The following TACR3 variants were observed in gnomAD, a reference collection of about 807,000 sequenced individuals.
TACR3 encodes tachykinin receptor 3.
A neutral mutation model predicts 35.0 loss-of-function variants in TACR3; 34 were observed. The observed-to-expected ratio is 0.97, with a 90% CI of 0.74 to 1.30. The LOEUF (loss-of-function observed/expected upper bound fraction) is 1.30, where lower values mean the gene tolerates loss of function less well. TACR3 is among the 50% of genes most tolerant of loss of function. The pLI, the probability that TACR3 is intolerant of heterozygous loss-of-function variation, is 0.00. For missense variants in TACR3, 558 were observed against 591.7 expected, an observed-to-expected ratio of 0.94 and a Z score of 0.59; for synonymous variants, 233 against 221.1, an observed-to-expected ratio of 1.05 and a Z score of -0.48.
At chr4:103,621,369 C>CAGGT (rs1724777174) in intron 3 of TACR3, among the ~76,000 whole-genome samples, 2 of 151,906 alleles carry the variant, frequency 1.3e-5, no homozygotes, top group African/African-American at 4.8e-5. Context: ...GAATAGAGGG[C>CAGGT]CAATATGTGT....
At chr4:103,670,523 T>C (rs530849185) in intron 1 of TACR3, among the ~76,000 whole-genome samples, 1 of 152,120 alleles carries the variant, frequency 6.6e-6, no homozygotes, top group African/African-American at 2.4e-5. Flanking sequence ...TATAGAGATC[T>C]CTTGCTTCTT....
At chr4:103,600,823 G>A (rs891305655) in intron 3 of TACR3, among the ~76,000 whole-genome samples, 7 of 152,166 alleles carry the variant, frequency 4.6e-5, no homozygotes, top group Non-Finnish European at 7.3e-5. Context: ...TGGTCTGAGA[G>A]ACAGTTTGTT....
At chr4:103,624,157 A>C (rs182040665) in intron 3 of TACR3, 1 of 152,118 alleles carries the variant, frequency 6.6e-6, no homozygotes, top group African/African-American at 2.4e-5. Context: ...TAGGTATGCA[A>C]TTACTGTTTT....
chr4:103,711,906 A>G (rs1722972324), intron 1 of TACR3, among the ~76,000 whole-genome samples: 1 of 152,208 alleles, frequency 6.6e-6, no homozygotes, highest in South Asian at 2.1e-4. Context: ...TGCTTCAAAG[A>G]GAATAAAATA....
intron 3 of TACR3, among the ~76,000 whole-genome samples, chr4:103,614,880 ATG>A (rs1428605561): frequency 5.3e-5 from 6 of 113,444 alleles, no homozygotes; most frequent in African/African-American, 1.6e-4. Context: ...TTGATTATGA[ATG>A]TGTTTTTTTT....
chr4:103,677,738 G>T (rs901998244), intron 1 of TACR3, among the ~76,000 whole-genome samples: 2 of 152,088 alleles, frequency 1.3e-5, no homozygotes, highest in African/African-American at 4.8e-5. Flanking sequence ...AGAGCATCAT[G>T]AAGGATAACT....
At chr4:103,590,400 T>C (rs139984298) in intron 4 of TACR3, among the ~76,000 whole-genome samples, 330 of 152,320 alleles carry the variant, frequency 2.2e-3, no homozygotes, top group African/African-American at 7.3e-3. Context: ...AAATAGTTTC[T>C]TTCAGAAATG....
chr4:103,591,697 A>T lies in TACR3; in HGVS notation c.889-14T>A. ...CATTTTGACAACCTATAAAGAAAAA[A>T]AGTCATTTTTGACAAATATAATACT... On this transcript the variant is annotated splice_polypyrimidine_tract_variant and intron_variant, in intron 3 of 4. Transcript: ENST00000304883. The T allele has an allele frequency of 6.2e-7, 1 of 1,603,414 alleles. No individual in the cohort carries two copies. The highest frequency in any genetic ancestry group is 1.1e-5 in the South Asian group (1 of 89,930).
chr4:103,601,992 G>C (rs1399457074), intron 3 of TACR3, among the ~76,000 whole-genome samples: 2 of 152,166 alleles, frequency 1.3e-5, no homozygotes, highest in Non-Finnish European at 2.9e-5. Context: ...TTCCAACTTG[G>C]TTCCAATCTC....
chr4:103,680,486 TAC>T (rs925772883), intron 1 of TACR3, among the ~76,000 whole-genome samples: 3 of 141,410 alleles, frequency 2.1e-5, no homozygotes, highest in South Asian at 2.3e-4. Flanking sequence ...TATATATATA[TAC>T]ATACATACAC....
At chr4:103,607,586 A>T (rs1724409892) in intron 3 of TACR3, among the ~76,000 whole-genome samples, 1 of 152,122 alleles carries the variant, frequency 6.6e-6, no homozygotes, top group South Asian at 2.1e-4. Context: ...ATGTGATAAT[A>T]TAGGCTTAAG....
At chr4:103,598,928 G>A (rs1272691674) in intron 3 of TACR3, among the ~76,000 whole-genome samples, 1 of 152,104 alleles carries the variant, frequency 6.6e-6, no homozygotes, top group Admixed American at 6.6e-5. Flanking sequence ...GACTGACTTG[G>A]TGATGCAGGC....
chr4:103,653,469 T>C (rs1403540168), intron 3 of TACR3, among the ~76,000 whole-genome samples: 1 of 152,094 alleles, frequency 6.6e-6, no homozygotes, highest in African/African-American at 2.4e-5. Context: ...TTTTAATTTG[T>C]TTAGGCGTAC....
chr4:103,668,368 G>T (rs1217567373), intron 1 of TACR3, among the ~76,000 whole-genome samples: 1 of 152,088 alleles, frequency 6.6e-6, no homozygotes, highest in Non-Finnish European at 1.5e-5. Context: ...AAATGCTAAT[G>T]ATCATCTGAT....
At position 103,586,269 on chromosome 4, in the gene TACR3, G is replaced by A. The variant is rs1366212425; in HGVS notation, c.*3413C>T. 3.3e-5 allele frequency: 5 copies of A among 151,506 alleles called. No individual in the cohort carries two copies. Among genetic ancestry groups the A allele is most frequent in the Admixed American group, 1.3e-4 (2 of 15,156 alleles). 9.4% of individuals were successfully genotyped at this position (151,506 alleles called of 1,614,324 possible). On this transcript the variant is annotated 3_prime_UTR_variant, in exon 5 of 5. Coordinates refer to ENST00000304883, the MANE Select transcript of TACR3 (RefSeq NM_001059.3). The stretch of plus-strand genomic sequence containing the variant: ...ACTAATGACCTTGTACAGCCCTTCT[G>A]AACTTTATTCTCTATTCCTGCTTGG...
intron 3 of TACR3, among the ~76,000 whole-genome samples, chr4:103,645,576 A>G (rs1725439953): frequency 1.3e-5 from 2 of 152,014 alleles, no homozygotes; most frequent in African/African-American, 4.8e-5. Flanking sequence ...AATTATCTTA[A>G]CTATAAATCT....
chr4:103,646,585 GTAGA>G (rs1216152908), intron 3 of TACR3, among the ~76,000 whole-genome samples: 1 of 151,940 alleles, frequency 6.6e-6, no homozygotes, highest in African/African-American at 2.4e-5. Flanking sequence ...GGCCAGTGTT[GTAGA>G]TAGTTACTCC....
At chr4:103,698,463 A>G (rs142001480) in intron 1 of TACR3, among the ~76,000 whole-genome samples, 1,680 of 152,192 alleles carry the variant, frequency 0.011, 36 homozygotes, top group African/African-American at 0.039. Flanking sequence ...ATCATTATCC[A>G]TGAGATTATA....
chr4:103,688,915 C>G (rs1300331309), intron 1 of TACR3, among the ~76,000 whole-genome samples: 1 of 151,994 alleles, frequency 6.6e-6, no homozygotes, highest in Admixed American at 6.6e-5. Context: ...ACCCAAAGGA[C>G]TATAAATCAT....
Sources: allele counts gnomAD v4.1 joint callset (sites outside exome capture counted in the v4.1 genomes callset), GRCh38; gene constraint gnomAD v4.1.1; transcripts MANE v1.5; gene names NCBI Gene and HGNC (gene_info 2026-07-23, HGNC 2026-07-21).